FNDC3B: variants seen among roughly 807,000 people sequenced by gnomAD.
The protein encoded by FNDC3B is fibronectin type III domain containing 3B, also known as fibronectin type III domain-containing protein 3B.
FNDC3B carries 12 observed loss-of-function variants against 151.5 expected under a neutral mutation model. The observed-to-expected ratio is 0.08, with a 90% CI of 0.05 to 0.13. The LOEUF (loss-of-function observed/expected upper bound fraction) is 0.13. Among genes scored for constraint, FNDC3B ranks in the 10% least tolerant of loss-of-function variants. FNDC3B has a pLI of 1.00. For missense variants in FNDC3B, 1,214 were observed against 1,505.3 expected (o/e 0.81, Z 3.20); for synonymous variants, 528 against 549.0 (o/e 0.96, Z 0.54).
At chr3:172,337,849 G>A (rs1387959191) in intron 16 of FNDC3B, 1 of 190,848 alleles carries the variant, frequency 5.2e-6, no homozygotes, top group Admixed American at 5.7e-5. Flanking sequence ...GTCTCACTAT[G>A]TTATCTAGGC....
intron 25 of FNDC3B, among the ~76,000 whole-genome samples, chr3:172,389,933 A>G (rs922902141): frequency 1.3e-5 from 2 of 152,126 alleles, no homozygotes; most frequent in African/African-American, 2.4e-5. Context: ...AATAGACTCC[A>G]TTTTTTGCTG....
intron 1 of FNDC3B, among the ~76,000 whole-genome samples, chr3:172,070,876 T>G (rs1371741677): frequency 6.6e-6 from 1 of 152,186 alleles, no homozygotes; most frequent in Non-Finnish European, 1.5e-5. Flanking sequence ...AATATTTCAG[T>G]ATTTTTTTCA....
At chr3:172,104,392 T>C (rs1054027786) in intron 1 of FNDC3B, among the ~76,000 whole-genome samples, 8 of 151,544 alleles carry the variant, frequency 5.3e-5, no homozygotes, top group African/African-American at 1.9e-4. Context: ...CTGGAGCCTG[T>C]CCACTATAGT....
chr3:172,392,798 C>CTTTTTTTTTT (rs11450405), intron 25 of FNDC3B, among the ~76,000 whole-genome samples: 3 of 86,278 alleles, frequency 3.5e-5, no homozygotes, highest in African/African-American at 1.0e-4. Flanking sequence ...TGAATTTTTT[C>CTTTTTTTTTT]TTTTTTTTTT....
intron 3 of FNDC3B, among the ~76,000 whole-genome samples, chr3:172,155,322 G>A (rs1246893744): frequency 6.6e-6 from 1 of 152,168 alleles, no homozygotes; most frequent in East Asian, 1.9e-4. Context: ...TACAGCTGTG[G>A]CATCCCAATC....
intron 3 of FNDC3B, among the ~76,000 whole-genome samples, chr3:172,162,548 T>G (rs543002809): frequency 9.2e-5 from 14 of 152,320 alleles, no homozygotes; most frequent in African/African-American, 3.4e-4. Context: ...TTTAACCATT[T>G]GAGGAATGGC....
intron 3 of FNDC3B, among the ~76,000 whole-genome samples, chr3:172,194,265 A>G (rs1048417941): frequency 4.6e-5 from 7 of 152,276 alleles, no homozygotes; most frequent in African/African-American, 1.7e-4. Flanking sequence ...GTTGTAGAGT[A>G]GTATTGATTG....
chr3:172,252,025 C>T (rs1208904347), intron 6 of FNDC3B, among the ~76,000 whole-genome samples: 1 of 152,168 alleles, frequency 6.6e-6, no homozygotes, highest in African/African-American at 2.4e-5. Context: ...TCTCATACCA[C>T]CTTTTGCCTG....
chr3:172,075,908 G>A (rs1304839085), intron 1 of FNDC3B, among the ~76,000 whole-genome samples: 3 of 152,026 alleles, frequency 2.0e-5, no homozygotes, highest in Non-Finnish European at 4.4e-5. Flanking sequence ...CCCAAGAATG[G>A]GTCCTGACCT....
At chr3:172,297,544 G>T (rs1730681499) in intron 8 of FNDC3B, among the ~76,000 whole-genome samples, 1 of 151,502 alleles carries the variant, frequency 6.6e-6, no homozygotes, top group Non-Finnish European at 1.5e-5. Flanking sequence ...GCACTATCTT[G>T]GCTCACTGCA....
Position 172,262,894 on chromosome 3 carries a change from CAAAAAAAAAA to C in FNDC3B, c.790+11372_790+11381del, listed in dbSNP as rs67891835. Among the ~76,000 whole-genome samples, 26 of 60,606 alleles carry C rather than the reference CAAAAAAAAAA, an allele frequency of 4.3e-4. No homozygotes were observed. In the Admixed American group the frequency reaches 6.1e-3, roughly 14 times the overall value. The allele number at this position is 60,606 out of a possible 152,430, so 39.8% of individuals were successfully genotyped here. A position where few individuals can be genotyped will look rare whatever the true frequency, so the allele number is the denominator to read the frequency against. On this transcript the variant is annotated intron_variant, in intron 6 of 25. Coordinates refer to ENST00000415807, the MANE Select transcript of FNDC3B (RefSeq NM_022763.4). The stretch of plus-strand genomic sequence containing the variant: ...CCTAGATGACAGAGTGAGACCGACT[CAAAAAAAAAA>C]AAAAAAAAAAAAAAAAAAGCACTAG...
intron 1 of FNDC3B, among the ~76,000 whole-genome samples, chr3:172,112,223 G>A (rs1720011721): frequency 6.6e-6 from 1 of 152,204 alleles, no homozygotes; most frequent in Non-Finnish European, 1.5e-5. Flanking sequence ...ATACAGGAAA[G>A]TTATGTTCAC....
chr3:172,295,166 G>C (rs1730538834), intron 7 of FNDC3B, among the ~76,000 whole-genome samples, 197 bp from the exon 8 acceptor site: 1 of 152,196 alleles, frequency 6.6e-6, no homozygotes, highest in Admixed American at 6.5e-5. Flanking sequence ...ATGAAAGTTG[G>C]CATTATAAGG....
rs988995943 is a variant in FNDC3B at position 172,352,889 on chromosome 3, C to A, written c.2601C>A (p.Leu867=). The change falls in exon 22 of 26, where the codon CTC becomes CTA. Residue 867 remains leucine (L), a synonymous_variant. Transcript: ENST00000415807. The surrounding 1 kb of genome is among the most constrained non-coding windows in gnomAD (Gnocchi z 4.2). ...CTGCCCCTGACCCCGTCTCCACTCT[C>A]TGTGTCCTGGAGGAGGAGCCCCTTG... ...PASAPDPVST[L]CVLEEEPLDA... is the part of the protein sequence containing the mutation. The A allele has an allele frequency of 3.7e-6, 6 of 1,614,220 alleles. No individual in the cohort carries two copies. The highest frequency in any genetic ancestry group is 5.1e-6 in the Non-Finnish European group (6 of 1,180,028).
At chr3:172,327,792 GT>G (rs1732434499) in intron 11 of FNDC3B, among the ~76,000 whole-genome samples, 1 of 152,230 alleles carries the variant, frequency 6.6e-6, no homozygotes. Flanking sequence ...CCTGGAATGT[GT>G]TTTAGTGGTA....
intron 3 of FNDC3B, among the ~76,000 whole-genome samples, chr3:172,196,487 A>T (rs910504231): frequency 2.0e-5 from 3 of 152,066 alleles, no homozygotes; most frequent in African/African-American, 7.2e-5. Flanking sequence ...AATATTTTAT[A>T]ATTTATTTCC....
At chr3:172,367,460 C>A (rs770570646) in intron 23 of FNDC3B, among the ~76,000 whole-genome samples, 49 of 152,262 alleles carry the variant, frequency 3.2e-4, no homozygotes, top group Middle Eastern at 3.4e-3. Context: ...GTCTATTATT[C>A]TTAACAGATC....
intron 1 of FNDC3B, among the ~76,000 whole-genome samples, chr3:172,050,779 G>A (rs77538347): frequency 0.025 from 3,732 of 151,440 alleles, 142 homozygotes; most frequent in African/African-American, 0.085. Context: ...TAGTGTGTGT[G>A]TATATATATT....
At chr3:172,052,004 T>C (rs905529553) in intron 1 of FNDC3B, among the ~76,000 whole-genome samples, 1 of 152,206 alleles carries the variant, frequency 6.6e-6, no homozygotes, top group Non-Finnish European at 1.5e-5. Context: ...TTAAGGGAAT[T>C]ATTTTTTAAA....
Sources: gnomAD v4.1 joint callset for allele counts (sites outside exome capture counted in the v4.1 genomes callset) on GRCh38, gnomAD v4.1.1 for gene constraint, Gnocchi (gnomAD v3.1) non-coding constraint, MANE v1.5 for transcripts, NCBI Gene and HGNC (gene_info 2026-07-23, HGNC 2026-07-21) for gene names.